ASIC2: variants seen among roughly 807,000 people sequenced by gnomAD.
ASIC2 encodes acid sensing ion channel subunit 2.
Under a neutral mutation model 57.3 loss-of-function variants are expected in ASIC2, and 25 were observed. The ratio of observed to expected loss-of-function variants is 0.44; its 90% CI spans 0.32 to 0.61. The LOEUF (loss-of-function observed/expected upper bound fraction) is 0.61, where lower values mean the gene tolerates loss of function less well. Ranked by LOEUF, ASIC2 falls within the 20% of genes least tolerant of loss-of-function variation. ASIC2 has a pLI of 0.06. For synonymous variants in ASIC2, 319 were observed against 307.5 expected (o/e 1.04, Z -0.39); for missense variants, 641 against 738.1 (o/e 0.87, Z 1.52).
intron 1 of ASIC2, among the ~76,000 whole-genome samples, chr17:33,737,671 A>G (rs1439536236): frequency 6.9e-6 from 1 of 143,886 alleles, no homozygotes; most frequent in Non-Finnish European, 1.5e-5. Flanking sequence ...CTAACAGTAC[A>G]TGGAATTTAG....
At chr17:33,632,086 C>T (rs1200790769) in intron 1 of ASIC2, among the ~76,000 whole-genome samples, 1 of 152,144 alleles carries the variant, frequency 6.6e-6, no homozygotes, top group Non-Finnish European at 1.5e-5. Flanking sequence ...GGTTCTGCCA[C>T]TTATTAGCTG....
chr17:33,947,122 G>A (rs553957939), intron 1 of ASIC2, among the ~76,000 whole-genome samples: 19 of 151,170 alleles, frequency 1.3e-4, no homozygotes, highest in Non-Finnish European at 2.1e-4. Context: ...TCACAGTTCC[G>A]TCTGCCCTGT....
At chr17:33,398,554 G>C (rs909182091) in intron 1 of ASIC2, among the ~76,000 whole-genome samples, 1 of 151,834 alleles carries the variant, frequency 6.6e-6, no homozygotes, top group African/African-American at 2.4e-5. Context: ...ATGATGATGG[G>C]GATGATGGCA....
At chr17:33,814,363 G>A (rs1408709206) in intron 1 of ASIC2, among the ~76,000 whole-genome samples, 4 of 152,204 alleles carry the variant, frequency 2.6e-5, no homozygotes, top group African/African-American at 9.7e-5. Flanking sequence ...GCGTGTGTAT[G>A]TGTCTGTGAT....
At chr17:33,393,903 C>T (rs1408866233) in intron 1 of ASIC2, among the ~76,000 whole-genome samples, 2 of 152,310 alleles carry the variant, frequency 1.3e-5, no homozygotes, top group South Asian at 4.1e-4. Flanking sequence ...CCATGCTTCT[C>T]AATTTAAACT....
chr17:33,539,053 C>G (rs1277011935), intron 1 of ASIC2, among the ~76,000 whole-genome samples: 1 of 152,176 alleles, frequency 6.6e-6, no homozygotes, highest in South Asian at 2.1e-4. Context: ...AGACAGGGAA[C>G]ACAATCGCCT....
At chr17:33,997,407 G>A (rs78428594) in intron 1 of ASIC2, among the ~76,000 whole-genome samples, 2 of 148,168 alleles carry the variant, frequency 1.3e-5, no homozygotes, top group East Asian at 4.0e-4. Flanking sequence ...GCCAGCCTTG[G>A]GCTCCTGAAG....
At chr17:33,319,960 T>C (rs1198256256) in intron 1 of ASIC2, among the ~76,000 whole-genome samples, 2 of 152,130 alleles carry the variant, frequency 1.3e-5, no homozygotes, top group Admixed American at 6.5e-5. Context: ...GGGGGAAAAA[T>C]CTTTGGGGAA....
chr17:33,273,359 T>C (rs982120154), intron 1 of ASIC2, among the ~76,000 whole-genome samples: 1 of 152,246 alleles, frequency 6.6e-6, no homozygotes, highest in Admixed American at 6.5e-5. Context: ...TTTTTCTGTT[T>C]TTCCCATCTC....
chr17:33,724,853 T>C (rs1357863145), intron 1 of ASIC2, among the ~76,000 whole-genome samples: 2 of 146,682 alleles, frequency 1.4e-5, no homozygotes, highest in Non-Finnish European at 3.0e-5. Flanking sequence ...CACACACACA[T>C]ACACACTCAC....
intron 1 of ASIC2, among the ~76,000 whole-genome samples, chr17:33,821,907 T>C (rs1168298762): frequency 6.6e-6 from 1 of 152,144 alleles, no homozygotes; most frequent in Non-Finnish European, 1.5e-5. Flanking sequence ...CCCTTTCAGC[T>C]TGGAGGTTGT....
chr17:33,802,411 C>T (rs778053964), intron 1 of ASIC2, among the ~76,000 whole-genome samples: 2 of 152,114 alleles, frequency 1.3e-5, no homozygotes, highest in South Asian at 2.1e-4. Context: ...TGTTGTTAAG[C>T]GATGTGTGGC....
intron 1 of ASIC2, among the ~76,000 whole-genome samples, chr17:33,402,681 C>T (rs1034905737): frequency 2.6e-5 from 4 of 152,150 alleles, no homozygotes; most frequent in African/African-American, 9.7e-5. Context: ...TTTATCTAGT[C>T]TATCATTGAT....
intron 1 of ASIC2, among the ~76,000 whole-genome samples, chr17:33,356,229 T>C (rs777587426): frequency 1.3e-5 from 2 of 152,122 alleles, no homozygotes; most frequent in Non-Finnish European, 2.9e-5. Context: ...CTGGGCCAGG[T>C]ACTTTAATTA....
intron 1 of ASIC2, among the ~76,000 whole-genome samples, chr17:33,856,817 C>T (rs997912347): frequency 6.6e-6 from 1 of 152,050 alleles, no homozygotes; most frequent in Admixed American, 6.6e-5. Context: ...TGTAAGCAGT[C>T]ATGATGCTTA....
At chr17:34,059,812 C>G (rs548462602) in intron 1 of ASIC2, among the ~76,000 whole-genome samples, 1 of 152,136 alleles carries the variant, frequency 6.6e-6, no homozygotes, top group Non-Finnish European at 1.5e-5. Flanking sequence ...GAATCTCACC[C>G]GCATCCCCCA....
intron 1 of ASIC2, among the ~76,000 whole-genome samples, chr17:33,401,784 C>A (rs1910294897): frequency 6.6e-6 from 1 of 152,156 alleles, no homozygotes; most frequent in Non-Finnish European, 1.5e-5. Context: ...GGACACAACA[C>A]TTAATAAACA....
chr17:33,909,489 A>T (rs1915416342), intron 1 of ASIC2, among the ~76,000 whole-genome samples: 1 of 152,240 alleles, frequency 6.6e-6, no homozygotes, highest in Non-Finnish European at 1.5e-5. Context: ...AGAACTCTCC[A>T]GAGGCAGAGT....
intron 1 of ASIC2, among the ~76,000 whole-genome samples, chr17:33,307,516 G>C (rs573038988): frequency 1.3e-5 from 2 of 152,162 alleles, no homozygotes; most frequent in African/African-American, 4.8e-5. Context: ...CACCATGTTG[G>C]CCAGACTAGT....
Sources: gnomAD v4.1 joint callset for allele counts (sites outside exome capture counted in the v4.1 genomes callset) on GRCh38, gnomAD v4.1.1 for gene constraint, MANE v1.5 for transcripts, NCBI Gene and HGNC (gene_info 2026-07-23, HGNC 2026-07-21) for gene names.